Variants in AGAP1 observed in about 807,000 individuals in gnomAD.
AGAP1 encodes the protein arf-GAP with GTPase, ANK repeat and PH domain-containing protein 1.
In AGAP1, 29 loss-of-function variants were observed where a neutral mutation model predicts 105.3. The ratio of observed to expected loss-of-function variants is 0.28; its 90% confidence interval spans 0.21 to 0.38. The LOEUF (loss-of-function observed/expected upper bound fraction) is 0.38. Among genes scored for constraint, AGAP1 ranks in the 10% least tolerant of loss-of-function variants. The pLI, the probability that AGAP1 is intolerant of heterozygous loss-of-function variation, is 1.00. For synonymous variants in AGAP1, 509 were observed against 485.9 expected (o/e 1.05, Z -0.63); for missense variants, 998 against 1,165.1 (o/e 0.86, Z 2.09).
Position 235,883,223 on chromosome 2 carries a change from C to T in AGAP1, c.1051-122C>T. On this transcript the variant is annotated intron_variant, in intron 9 of 17. Coordinates refer to ENST00000304032, the MANE Select transcript of AGAP1 (RefSeq NM_001037131.3). The surrounding 1 kb of genome is among the most constrained non-coding windows in gnomAD (Gnocchi z 4.5). The stretch of plus-strand genomic sequence containing the variant: ...CTAATGGCATATCTTTTAGCATTCG[C>T]CAGTATCACAGAGTGAAGTTCTGCA... 1.4e-6 allele frequency: 1 copy of T among 738,586 alleles called. No homozygotes were observed. Among genetic ancestry groups the T allele is most frequent in the South Asian group, 1.6e-5 (1 of 62,046 alleles). The allele number at this position is 738,586 out of a possible 1,614,324, so 45.8% of individuals were successfully genotyped here. A position where few individuals can be genotyped will look rare whatever the true frequency, so the allele number is the denominator to read the frequency against.
Position 235,865,615 on chromosome 2 carries a change from G to A in AGAP1, c.1051-17730G>A, listed in dbSNP as rs2049130684. On this transcript the variant is annotated intron_variant, in intron 9 of 17. Coordinates refer to ENST00000304032, the MANE Select transcript of AGAP1 (RefSeq NM_001037131.3). This position sits in a 1 kb window ranked among gnomAD's most constrained non-coding sequence, Gnocchi z 6.2. ...CTCCCCCAACTCCCTCCACTGTACA[G>A]AAGGAGCTGCAGAAAAGCCTCCATT... 6.6e-6 allele frequency among the ~76,000 whole-genome samples: 1 copy of A among 152,142 alleles called. No homozygotes were observed. Among genetic ancestry groups the A allele is most frequent in the African/African-American group, 2.4e-5 (1 of 41,432 alleles).
At position 235,590,640 on chromosome 2, in the gene AGAP1, G is replaced by GT. The variant is rs200712618; in HGVS notation, c.163+95799dup. Among the ~76,000 whole-genome samples the GT allele has an allele frequency of 6.5e-3, 913 of 140,324 alleles. 13 individuals are homozygous for GT. The highest frequency in any genetic ancestry group is 0.022 in the African/African-American group (826 of 37,748). The allele number at this position is 140,324 out of a possible 152,430, so 92.1% of individuals were successfully genotyped here. A position where few individuals can be genotyped will look rare whatever the true frequency, so the allele number is the denominator to read the frequency against. On this transcript the variant is annotated intron_variant, in intron 1 of 17. Coordinates refer to ENST00000304032, the MANE Select transcript of AGAP1 (RefSeq NM_001037131.3). ...GCCACTCATTTTTGTTTTTGTTTCT[G>GT]TTTTTTTTGTTTTGTTTTGTTTTAA...
intron 6 of AGAP1, among the ~76,000 whole-genome samples, chr2:235,783,110 A>G (rs186525483): frequency 1.3e-3 from 202 of 152,096 alleles, no homozygotes; most frequent in South Asian, 8.5e-3. Context: ...AGTGTTCACC[A>G]TGAATTTTTT....
At chr2:236,026,512 T>TGAGGCCAGAAGTTC (rs2057059814) in intron 13 of AGAP1, among the ~76,000 whole-genome samples, 1 of 152,188 alleles carries the variant, frequency 6.6e-6, no homozygotes, top group Admixed American at 6.5e-5. Context: ...GCACATCACC[T>TGAGGCCAGAAGTTC]GAGGCCAGAA....
intron 11 of AGAP1, among the ~76,000 whole-genome samples, chr2:235,910,885 A>C (rs1290234054): frequency 7.5e-6 from 1 of 133,294 alleles, no homozygotes; most frequent in Non-Finnish European, 1.6e-5. Flanking sequence ...ACTGCACTCC[A>C]GCCTGCGCGA....
chr2:236,103,925 C>G (rs2059422394), intron 16 of AGAP1, among the ~76,000 whole-genome samples: 1 of 152,242 alleles, frequency 6.6e-6, no homozygotes, highest in Non-Finnish European at 1.5e-5. Flanking sequence ...CCACCCTGCC[C>G]TGTGCGTTTA....
intron 1 of AGAP1, among the ~76,000 whole-genome samples, chr2:235,547,571 T>C (rs1478522946): frequency 6.6e-6 from 1 of 152,070 alleles, no homozygotes. Flanking sequence ...ATTGGCCAGA[T>C]TGGTCTCAAA....
chr2:235,496,083 G>A (rs1941308424), intron 1 of AGAP1, among the ~76,000 whole-genome samples: 1 of 152,208 alleles, frequency 6.6e-6, no homozygotes, highest in Non-Finnish European at 1.5e-5. Context: ...TAACCCCGAA[G>A]TGCTTTGGTT....
chr2:235,686,666 T>TATATA (rs1222184438), intron 1 of AGAP1, among the ~76,000 whole-genome samples: 4 of 60,482 alleles, frequency 6.6e-5, no homozygotes, highest in African/African-American at 4.6e-4. Context: ...TATATATATA[T>TATATA]TTTTTTTTTT....
At chr2:235,717,680 T>A in intron 3 of AGAP1, 36 bp downstream of exon 3, 2 of 1,559,934 alleles carry the variant, frequency 1.3e-6, no homozygotes, top group Non-Finnish European at 1.7e-6. Context: ...AACTTAAGAA[T>A]GTAGTTTTTT....
rs1243633185 is a variant in AGAP1, at chr2:235,720,379, C to T, written c.310+2735C>T. The stretch of plus-strand genomic sequence containing the variant: ...GAGACTATCAAAGGGATGTGTTGTC[C>T]TCGGGGAGTGCTGGAGGCTGACAAA... On this transcript the variant is annotated intron_variant, in intron 3 of 17. Transcript: ENST00000304032. The surrounding 1 kb of genome is among the most constrained non-coding windows in gnomAD (Gnocchi z 5.0). 6.6e-6 allele frequency among the ~76,000 whole-genome samples: 1 copy of T among 152,060 alleles called. No individual in the cohort carries two copies. Among genetic ancestry groups the T allele is most frequent in the Non-Finnish European group, 1.5e-5 (1 of 68,000 alleles).
At position 235,589,203 on chromosome 2, in the gene AGAP1, T is replaced by TG. The variant is rs1292215519; in HGVS notation, c.163+94354_163+94355insG. On this transcript the variant is annotated intron_variant, in intron 1 of 17. Coordinates refer to ENST00000304032, the MANE Select transcript of AGAP1 (RefSeq NM_001037131.3). Reference sequence around the variant, plus strand: ...AATAGCTTATTGTTTTGTTTTTTTTTTTTTTTTTTTTTTTTTTTTGAGACG... The same window carrying TG: ...AATAGCTTATTGTTTTGTTTTTTTTTGTTTTTTTTTTTTTTTTTTTGAGACG... Among the ~76,000 whole-genome samples the TG allele has an allele frequency of 1.1e-4, 12 of 104,946 alleles. No individual in the cohort carries two copies. The East Asian group carries it at 3.1e-3, about 27-fold the overall frequency. The allele number at this position is 104,946 out of a possible 152,430, so 68.8% of individuals were successfully genotyped here.
At position 235,768,173 on chromosome 2, in the gene AGAP1, C is replaced by T. The variant is rs538802437; in HGVS notation, c.673+17685C>T. 2.2e-4 allele frequency among the ~76,000 whole-genome samples: 34 copies of T among 152,154 alleles called. No individual in the cohort carries two copies. The South Asian group carries it at 2.3e-3, about 10-fold the overall frequency. ...AGAGGGCTTCTCCCTACCAGTTTTTCGTTTGTTTATTGTTTTCACCCTTTA... is the reference window on the plus strand; with the variant it reads ...AGAGGGCTTCTCCCTACCAGTTTTTTGTTTGTTTATTGTTTTCACCCTTTA... On this transcript the variant is annotated intron_variant, in intron 6 of 17. Coordinates refer to ENST00000304032, the MANE Select transcript of AGAP1 (RefSeq NM_001037131.3).
intron 5 of AGAP1, among the ~76,000 whole-genome samples, chr2:235,748,166 C>T (rs959998828): frequency 6.6e-6 from 1 of 152,146 alleles, no homozygotes; most frequent in African/African-American, 2.4e-5. Context: ...GGTATAGAAC[C>T]GAAATGCGAG....
chr2:235,702,934 G>GTTTTTTTTGTTTTTTTTTTTTTTTTTTTT (rs1950326916), intron 1 of AGAP1, among the ~76,000 whole-genome samples: 1 of 88,946 alleles, frequency 1.1e-5, no homozygotes, highest in East Asian at 5.8e-4. Flanking sequence ...AGTTTTCTTG[G>GTTTTTTTTGTTTTTTTTTTTTTTTTTTTT]TTTTTTTTTT....
chr2:236,040,883 T>A lies in AGAP1; in HGVS notation c.1891+42T>A. On this transcript the variant is annotated intron_variant, in intron 15 of 17. Coordinates refer to ENST00000304032, the MANE Select transcript of AGAP1 (RefSeq NM_001037131.3). This position sits in a 1 kb window ranked among gnomAD's most constrained non-coding sequence, Gnocchi z 5.6. ...GTAGCAGGGGCTGGCGCTGTGTAGC[T>A]GGAGACCACATGGTCCCACTAGGCC... The A allele has an allele frequency of 6.2e-7, 1 of 1,607,056 alleles. No homozygotes were observed.
intron 9 of AGAP1, among the ~76,000 whole-genome samples, chr2:235,857,041 A>C (rs1408473876): frequency 6.6e-6 from 1 of 152,210 alleles, no homozygotes; most frequent in Non-Finnish European, 1.5e-5. Flanking sequence ...ATGGAGACGC[A>C]GGTGGTGAGC....
intron 9 of AGAP1, among the ~76,000 whole-genome samples, chr2:235,856,816 C>T (rs1365779440): frequency 6.6e-6 from 1 of 152,244 alleles, no homozygotes; most frequent in Non-Finnish European, 1.5e-5. Flanking sequence ...CCAGTGTTCC[C>T]TGCTTGACAC....
At position 235,654,128 on chromosome 2, in the gene AGAP1, T is replaced by C. The variant is rs543436960; in HGVS notation, c.164-55051T>C. On this transcript the variant is annotated intron_variant, in intron 1 of 17. Transcript: ENST00000304032. The stretch of plus-strand genomic sequence containing the variant: ...AAGCAGAAGAAGAATCTGACAGTTA[T>C]CTAGAGGAGATTTTAATCAGTGTCC... Among the ~76,000 whole-genome samples, 217 of 152,352 alleles carry C rather than the reference T, an allele frequency of 1.4e-3. 1 individual carries two copies. Among genetic ancestry groups the C allele is most frequent in the African/African-American group, 4.6e-3 (191 of 41,582 alleles).
Sources: gnomAD v4.1 joint callset for allele counts (sites outside exome capture counted in the v4.1 genomes callset) on GRCh38, gnomAD v4.1.1 for gene constraint, Gnocchi (gnomAD v3.1) non-coding constraint, MANE v1.5 for transcripts, NCBI Gene and HGNC (gene_info 2026-07-23, HGNC 2026-07-21) for gene names.